MUCL1: variants seen among roughly 807,000 people sequenced by gnomAD.
The protein encoded by MUCL1 is mucin like 1.
MUCL1 carries 11 observed loss-of-function variants against 9.2 expected under a neutral mutation model. That is an observed-to-expected ratio of 1.19 (90% CI 0.75 to 1.97). The LOEUF is 1.97. Among genes scored for constraint, MUCL1 ranks in the 30% most tolerant of loss-of-function variants. The probability of loss-of-function intolerance (pLI) is 0.00; values close to 1 mark genes in which losing one functional copy is unlikely to be tolerated. For missense variants in MUCL1, 144 were observed against 110.9 expected (o/e 1.30, Z -1.34); for synonymous variants, 48 against 40.5 (o/e 1.19, Z -0.71).
At chr12:54,845,225 A>C (rs1460897028) in intron 1 of MUCL1, among the ~76,000 whole-genome samples, 2 of 152,018 alleles carry the variant, frequency 1.3e-5, no homozygotes, top group African/African-American at 4.8e-5. Context: ...TTCATTGGGT[A>C]TACTTTGTTA....
chr12:54,847,751 G>A (rs1436841788), intron 1 of MUCL1, among the ~76,000 whole-genome samples: 1 of 152,214 alleles, frequency 6.6e-6, no homozygotes, highest in Non-Finnish European at 1.5e-5. Flanking sequence ...CTTTAGTTTG[G>A]AAGCCATCGA....
chr12:54,841,999 C>A (rs1592246553), intron 1 of MUCL1, among the ~76,000 whole-genome samples: 1 of 152,044 alleles, frequency 6.6e-6, no homozygotes. Context: ...TCAAGATTAT[C>A]TTGACTCTAT....
intron 1 of MUCL1, among the ~76,000 whole-genome samples, chr12:54,833,149 T>A (rs1342818203): frequency 6.6e-6 from 1 of 152,166 alleles, no homozygotes; most frequent in Non-Finnish European, 1.5e-5. Context: ...TCCTTTTTCC[T>A]TGGCTTTTTA....
chr12:54,833,737 C>A (rs772216979), intron 1 of MUCL1, among the ~76,000 whole-genome samples: 6 of 150,086 alleles, frequency 4.0e-5, no homozygotes, highest in Non-Finnish European at 7.4e-5. Context: ...AACCAAACAC[C>A]GCATGTTCTC....
At chr12:54,839,113 T>C (rs1959199255), upstream of MUCL1, among the ~76,000 whole-genome samples, 3 of 151,694 alleles carry the variant, frequency 2.0e-5, no homozygotes, top group African/African-American at 7.3e-5. Flanking sequence ...AATTTTTTTC[T>C]CATTGAGGAT....
upstream of MUCL1, among the ~76,000 whole-genome samples, chr12:54,835,077 A>G (rs10735858): frequency 0.52 from 79,498 of 151,946 alleles, 21,259 homozygotes; most frequent in East Asian, 0.86. Context: ...TGCTGCAAAA[A>G]ACACTATTTC....
At chr12:54,849,673 A>G (rs1459788399), upstream of MUCL1, among the ~76,000 whole-genome samples, 2 of 152,088 alleles carry the variant, frequency 1.3e-5, no homozygotes, top group African/African-American at 4.8e-5. Context: ...AGATATTAGA[A>G]AGATCTCAGT....
intron 1 of MUCL1, among the ~76,000 whole-genome samples, chr12:54,848,110 G>T (rs981468476): frequency 6.7e-6 from 1 of 148,728 alleles, no homozygotes; most frequent in Non-Finnish European, 1.5e-5. Context: ...TTGAAACTCA[G>T]CTGTGTGCCC....
chr12:54,851,636 G>T (rs147510036), upstream of MUCL1, among the ~76,000 whole-genome samples: 4 of 151,628 alleles, frequency 2.6e-5, no homozygotes, highest in African/African-American at 9.7e-5. Context: ...CCTATTCAAC[G>T]TAGTGTTGGA....
intron 1 of MUCL1, chr12:54,839,562 C>T: frequency 1.4e-6 from 1 of 694,134 alleles, no homozygotes; most frequent in South Asian, 1.5e-5. Context: ...GAGGGAGCAA[C>T]CTCATCCTCC....
chr12:54,849,026 G>A (rs1959297800), intron 1 of MUCL1, among the ~76,000 whole-genome samples: 1 of 152,090 alleles, frequency 6.6e-6, no homozygotes, highest in Non-Finnish European at 1.5e-5. Flanking sequence ...GGTAATGCTA[G>A]AGTAAATTAT....
intron 1 of MUCL1, among the ~76,000 whole-genome samples, 172 bp from the exon 2 acceptor site, chr12:54,854,944 A>G (rs1332006147): frequency 6.6e-6 from 1 of 152,098 alleles, no homozygotes; most frequent in African/African-American, 2.4e-5. Flanking sequence ...TTAGGTTTTT[A>G]TTGGTTTTCA....
chr12:54,840,826 C>G (rs1488509856), intron 1 of MUCL1, among the ~76,000 whole-genome samples: 1 of 152,100 alleles, frequency 6.6e-6, no homozygotes, highest in Non-Finnish European at 1.5e-5. Context: ...TAAACCCCAC[C>G]CAGCTCCCAC....
upstream of MUCL1, among the ~76,000 whole-genome samples, chr12:54,852,655 C>T (rs898456638): frequency 1.1e-4 from 16 of 152,116 alleles, no homozygotes; most frequent in Non-Finnish European, 2.2e-4. Flanking sequence ...CAGTCATTGT[C>T]TTAAGTCTGT....
chr12:54,846,351 G>A (rs983863997), intron 1 of MUCL1, among the ~76,000 whole-genome samples: 1 of 152,154 alleles, frequency 6.6e-6, no homozygotes, highest in Non-Finnish European at 1.5e-5. Flanking sequence ...GTTCCTCCTA[G>A]GGGTCTGACT....
intron 1 of MUCL1, among the ~76,000 whole-genome samples, chr12:54,847,355 C>T (rs577727285): frequency 6.6e-6 from 1 of 152,278 alleles, no homozygotes; most frequent in South Asian, 2.1e-4. Context: ...GTGGCTCACG[C>T]CTGTAATCCC....
At chr12:54,839,221 G>C (rs554616630), upstream of MUCL1, 181 of 602,114 alleles carry the variant, frequency 3.0e-4, 3 homozygotes, top group South Asian at 3.5e-3. Context: ...GAGAGTCTTT[G>C]TATAGTGGCT....
intron 1 of MUCL1, among the ~76,000 whole-genome samples, chr12:54,831,800 C>G (rs1959185806): frequency 6.6e-6 from 1 of 151,940 alleles, no homozygotes; most frequent in Non-Finnish European, 1.5e-5. Flanking sequence ...AAGCATATGC[C>G]TCTAAAATTG....
At chr12:54,836,137 G>A (rs1959192761), upstream of MUCL1, among the ~76,000 whole-genome samples, 1 of 152,074 alleles carries the variant, frequency 6.6e-6, no homozygotes, top group Admixed American at 6.5e-5. Flanking sequence ...TCAACCTTTT[G>A]GAATAGTTTC....
Sources: allele counts gnomAD v4.1 joint callset (sites outside exome capture counted in the v4.1 genomes callset), GRCh38; gene constraint gnomAD v4.1.1; transcripts MANE v1.5; gene names NCBI Gene and HGNC (gene_info 2026-07-23, HGNC 2026-07-21).